The following TNKS variants were observed in gnomAD, a reference collection of about 807,000 sequenced individuals.
TNKS encodes the protein tankyrase, also known as poly [ADP-ribose] polymerase tankyrase-1.
TNKS carries 72 observed loss-of-function variants against 135.8 expected under a neutral mutation model. The ratio of observed to expected loss-of-function variants is 0.53; its 90% confidence interval spans 0.44 to 0.64. The LOEUF is 0.64. Ranked by LOEUF, TNKS falls within the 30% of genes least tolerant of loss-of-function variation. TNKS has a pLI of 0.00. For missense variants in TNKS, 1,769 were observed against 1,674.0 expected, an observed-to-expected ratio of 1.06 and a Z score of -0.99; for synonymous variants, 849 against 649.3, an observed-to-expected ratio of 1.31 and a Z score of -4.68.
intron 22 of TNKS, 103 bp downstream of exon 22, chr8:9,763,347 C>G (rs1807251038): frequency 1.5e-6 from 1 of 659,806 alleles, no homozygotes; most frequent in Admixed American, 2.7e-5. Context: ...GGTCACATGC[C>G]TATTAATCAG....
chr8:9,698,374 G>GAAAAAAAAAAAAAAAAAAAAAAAAA lies in TNKS; in HGVS notation c.1108-6272_1108-6271insAAAAAAAAAAAAAAAAAAAAAAAAA, dbSNP rs34311181. 1.6e-4 allele frequency among the ~76,000 whole-genome samples: 16 copies of GAAAAAAAAAAAAAAAAAAAAAAAAA among 98,764 alleles called. 1 individual carries two copies. The highest frequency in any genetic ancestry group is 7.7e-4 in the South Asian group (2 of 2,594). The allele number at this position is 98,764 out of a possible 152,430, so 64.8% of individuals were successfully genotyped here. A position where few individuals can be genotyped will look rare whatever the true frequency, so the allele number is the denominator to read the frequency against. On this transcript the variant is annotated intron_variant, in intron 5 of 26. Transcript: ENST00000310430. ...GTATCTAAAAGTTAAATTTTAAAAT[G>GAAAAAAAAAAAAAAAAAAAAAAAAA]AAAAAAAAAAAAAAAAAGCTTAAGT...
chr8:9,595,737 A>G (rs995170423), intron 2 of TNKS, among the ~76,000 whole-genome samples: 3 of 152,170 alleles, frequency 2.0e-5, no homozygotes, highest in Non-Finnish European at 4.4e-5. Context: ...GCAAGGCTTT[A>G]CTTAATGCCC....
At chr8:9,710,100 A>C in intron 10 of TNKS, 42 bp from the exon 11 acceptor site, 1 of 1,612,984 alleles carries the variant, frequency 6.2e-7, no homozygotes, top group Non-Finnish European at 8.5e-7. Context: ...AATGCAATAA[A>C]AGAGAGACAA....
At chr8:9,760,547 T>C (rs1042014491) in intron 20 of TNKS, among the ~76,000 whole-genome samples, 2 of 152,190 alleles carry the variant, frequency 1.3e-5, no homozygotes, top group Non-Finnish European at 2.9e-5. Flanking sequence ...TTCTTGGTTT[T>C]CCAAGGCAGG....
chr8:9,708,703 G>T (rs1336590553), intron 9 of TNKS, among the ~76,000 whole-genome samples: 1 of 151,912 alleles, frequency 6.6e-6, no homozygotes, highest in African/African-American at 2.4e-5. Flanking sequence ...CCTCAATTTG[G>T]AAATTATTTT....
intron 4 of TNKS, 61 bp downstream of exon 4, chr8:9,680,048 A>T (rs949367946): frequency 2.4e-6 from 3 of 1,260,074 alleles, no homozygotes; most frequent in Non-Finnish European, 3.5e-6. Flanking sequence ...GGAGGAGGGC[A>T]GGTGGAGGAC....
chr8:9,676,469 C>A (rs1319003572), intron 3 of TNKS, among the ~76,000 whole-genome samples: 1 of 152,130 alleles, frequency 6.6e-6, no homozygotes, highest in African/African-American at 2.4e-5. Flanking sequence ...AAAGCACTTA[C>A]AATGTTAAAA....
At chr8:9,672,712 A>ACACACACACACACAC (rs1554466579) in intron 3 of TNKS, among the ~76,000 whole-genome samples, 1 of 82,830 alleles carries the variant, frequency 1.2e-5, no homozygotes, top group African/African-American at 3.9e-5. Flanking sequence ...ACACACACAC[A>ACACACACACACACAC]AAAAAAAAAA....
chr8:9,692,105 G>A (rs895530658), intron 5 of TNKS, among the ~76,000 whole-genome samples: 10 of 151,886 alleles, frequency 6.6e-5, no homozygotes, highest in African/African-American at 1.7e-4. Context: ...CAGGTTTGTT[G>A]CTTGGGTAAA....
At chr8:9,721,313 A>ATATATATATATATATATATAT (rs1804872482) in intron 12 of TNKS, among the ~76,000 whole-genome samples, 1 of 35,892 alleles carries the variant, frequency 2.8e-5, no homozygotes, top group Non-Finnish European at 8.0e-5. Context: ...TATATATATA[A>ATATATATATATATATATATAT]AATTATAAAA....
chr8:9,555,922 T>C lies in TNKS; in HGVS notation c.-18T>C, dbSNP rs1815259159. On this transcript the variant is annotated 5_prime_UTR_variant, in exon 1 of 27. Transcript: ENST00000310430. ...GTGGGGGCCGTTGCCGCAGTGACAG[T>C]GCTAGGGGAGTCCGAAGATGGCGGC... The C allele has an allele frequency of 6.2e-7, 1 of 1,602,044 alleles. No individual in the cohort carries two copies. The highest frequency in any genetic ancestry group is 2.2e-5 in the East Asian group (1 of 44,854).
At chr8:9,632,549 C>A (rs751735745) in intron 3 of TNKS, among the ~76,000 whole-genome samples, 1 of 152,150 alleles carries the variant, frequency 6.6e-6, no homozygotes, top group Admixed American at 6.5e-5. Context: ...CTAGGTAACT[C>A]TTTCTTTCAG....
chr8:9,709,916 G>C, intron 9 of TNKS, 39 bp from the exon 10 acceptor site: 1 of 1,492,316 alleles, frequency 6.7e-7, no homozygotes, highest in African/African-American at 1.4e-5. Context: ...TGTACATATG[G>C]AAGTGTATTT....
At chr8:9,634,050 G>T (rs2128772978) in intron 3 of TNKS, among the ~76,000 whole-genome samples, 1 of 147,524 alleles carries the variant, frequency 6.8e-6, no homozygotes, top group South Asian at 2.1e-4. Flanking sequence ...ATACACTATA[G>T]GAATTAAGGA....
intron 21 of TNKS, 35 bp downstream of exon 21, chr8:9,761,671 A>G: frequency 1.9e-6 from 3 of 1,578,960 alleles, no homozygotes; most frequent in Non-Finnish European, 2.6e-6. Context: ...AATTTCAGAA[A>G]TCAGTGGTAC....
chr8:9,591,914 A>G (rs1798603477), intron 2 of TNKS, among the ~76,000 whole-genome samples: 1 of 152,206 alleles, frequency 6.6e-6, no homozygotes, highest in Non-Finnish European at 1.5e-5. Flanking sequence ...AATTCAGGAA[A>G]GCAGTTTCCG....
chr8:9,622,798 A>G (rs1230344180), intron 3 of TNKS, among the ~76,000 whole-genome samples: 3 of 152,200 alleles, frequency 2.0e-5, no homozygotes, highest in Non-Finnish European at 2.9e-5. Context: ...AAATGGATTA[A>G]CTTGGTAATA....
At chr8:9,726,949 G>A (rs1344673278) in intron 13 of TNKS, among the ~76,000 whole-genome samples, 1 of 151,964 alleles carries the variant, frequency 6.6e-6, no homozygotes, top group Non-Finnish European at 1.5e-5. Flanking sequence ...TAGACAGATG[G>A]ATATATACAT....
chr8:9,576,886 TAAC>T (rs1367012961), intron 1 of TNKS, among the ~76,000 whole-genome samples: 4 of 152,012 alleles, frequency 2.6e-5, no homozygotes, highest in African/African-American at 7.3e-5. Context: ...ATACAAATAA[TAAC>T]ATGAAATGTA....
Sources: gnomAD v4.1 joint callset for allele counts (sites outside exome capture counted in the v4.1 genomes callset) on GRCh38, gnomAD v4.1.1 for gene constraint, MANE v1.5 for transcripts, NCBI Gene and HGNC (gene_info 2026-07-23, HGNC 2026-07-21) for gene names.